OR1J2: variants seen among roughly 807,000 people sequenced by gnomAD.
OR1J2 encodes olfactory receptor family 1 subfamily J member 2.
For synonymous variants in OR1J2, 142 were observed against 99.7 expected (o/e 1.42, Z -2.52); for missense variants, 304 against 246.1 (o/e 1.24, Z -1.57).
At chr9:122,536,064 A>G in the OR1J2 span, among the ~76,000 whole-genome samples, 1 of 152,184 alleles carries the variant, frequency 6.6e-6, no homozygotes, top group Non-Finnish European at 1.5e-5. Flanking sequence ...GAATGTCATC[A>G]GTTAAGGCAG....
chr9:122,457,525 C>T, the OR1J2 span, among the ~76,000 whole-genome samples: 52 of 150,984 alleles, frequency 3.4e-4, no homozygotes, highest in East Asian at 8.3e-3. Context: ...ATAAAAATTA[C>T]GAGGTGTGCA....
At chr9:122,492,996 G>T in the OR1J2 span, among the ~76,000 whole-genome samples, 1 of 151,840 alleles carries the variant, frequency 6.6e-6, no homozygotes, top group African/African-American at 2.4e-5. Context: ...ATTCTAAGTG[G>T]TGTATTACAT....
At chr9:122,495,730 T>C in the OR1J2 span, among the ~76,000 whole-genome samples, 1 of 152,148 alleles carries the variant, frequency 6.6e-6, no homozygotes, top group Non-Finnish European at 1.5e-5. Context: ...GCTGGTGAGC[T>C]GGTATGATCT....
the OR1J2 span, chr9:122,526,358 C>A: frequency 6.7e-7 from 1 of 1,484,150 alleles, no homozygotes; most frequent in East Asian, 2.3e-5. Flanking sequence ...GTCACCACAT[C>A]TAAGAGGAAA....
chr9:122,474,368 G>C, the OR1J2 span, among the ~76,000 whole-genome samples: 233 of 152,314 alleles, frequency 1.5e-3, 1 homozygote, highest in Middle Eastern at 3.4e-3. Context: ...TTGCTCAAAT[G>C]TGGCTAAAAG....
the OR1J2 span, among the ~76,000 whole-genome samples, chr9:122,547,358 T>G: frequency 6.6e-6 from 1 of 152,166 alleles, no homozygotes; most frequent in Admixed American, 6.6e-5. Context: ...TTTGATTGTT[T>G]TATTTTATTT....
the OR1J2 span, among the ~76,000 whole-genome samples, chr9:122,579,777 T>A: frequency 3.9e-5 from 6 of 152,000 alleles, no homozygotes; most frequent in Middle Eastern, 3.4e-3. Flanking sequence ...GTCATTGATG[T>A]TTTAAGCAGA....
At chr9:122,488,238 A>C in the OR1J2 span, among the ~76,000 whole-genome samples, 1 of 152,146 alleles carries the variant, frequency 6.6e-6, no homozygotes, top group African/African-American at 2.4e-5. Context: ...CCTGGGTTCA[A>C]GTGATTCTCA....
At chr9:122,553,609 T>A in the OR1J2 span, 3 of 1,614,148 alleles carry the variant, frequency 1.9e-6, no homozygotes, top group South Asian at 3.3e-5. Context: ...TGCCAACCAC[T>A]CCATTACAGC....
At chr9:122,579,175 G>A in the OR1J2 span, among the ~76,000 whole-genome samples, 2 of 151,886 alleles carry the variant, frequency 1.3e-5, no homozygotes, top group African/African-American at 4.8e-5. Flanking sequence ...ATAATATGTT[G>A]ATATAATTGA....
rs559485689 is a variant in OR1J2 at position 122,510,902 on chromosome 9, T to G, written c.101T>G (p.Met34Arg). The G allele has an allele frequency of 2.5e-6, 4 of 1,612,126 alleles. No individual in the cohort carries two copies. The Admixed American group carries it at 5.0e-5, about 20-fold the overall frequency. Residue 34 changes from methionine (M) to arginine (R), a missense_variant, in exon 1 of 1, where the codon ATG becomes AGG. Physicochemically the swap from Met to Arg is moderately conservative, Grantham distance 91. Coordinates refer to ENST00000335302, the MANE Select transcript of OR1J2 (RefSeq NM_054107.1). ...GTGTTCTTCACCCTGTTCCTGGGCA[T>G]GTACCTGACCACGGTGCTGGGGAAC... ...QAVFFTLFLG[M>R]YLTTVLGNLL...
chr9:122,510,690 T>G, upstream of OR1J2: 1 of 681,262 alleles, frequency 1.5e-6, no homozygotes. Flanking sequence ...GTTGTTCCTC[T>G]CCCTGTGTCT....
chr9:122,544,147 A>T, the OR1J2 span, among the ~76,000 whole-genome samples: 1 of 152,086 alleles, frequency 6.6e-6, no homozygotes, highest in African/African-American at 2.4e-5. Flanking sequence ...TCAATTAAAA[A>T]TAATGAATAA....
chr9:122,526,807 G>A, the OR1J2 span: 21 of 1,613,974 alleles, frequency 1.3e-5, no homozygotes, highest in South Asian at 4.4e-5. Flanking sequence ...AAGGACAACC[G>A]AGCCATGAGG....
downstream of OR1J2, among the ~76,000 whole-genome samples, chr9:122,515,304 T>G (rs1214495630): frequency 6.6e-6 from 1 of 150,898 alleles, no homozygotes; most frequent in African/African-American, 2.5e-5. Flanking sequence ...AGGAATGACT[T>G]GAGCATAAAG....
chr9:122,527,370 A>G, the OR1J2 span: 2 of 817,656 alleles, frequency 2.4e-6, no homozygotes, highest in East Asian at 2.6e-5. Context: ...GCTGACTCCC[A>G]AATCTCCCTT....
At chr9:122,556,118 A>G in the OR1J2 span, among the ~76,000 whole-genome samples, 1 of 152,166 alleles carries the variant, frequency 6.6e-6, no homozygotes, top group South Asian at 2.1e-4. Flanking sequence ...ATGTAGTTGG[A>G]ATCATACAGT....
At chr9:122,478,794 G>C in the OR1J2 span, among the ~76,000 whole-genome samples, 1 of 152,100 alleles carries the variant, frequency 6.6e-6, no homozygotes, top group African/African-American at 2.4e-5. Flanking sequence ...TTGTTTGTTT[G>C]TTTGAGACAG....
chr9:122,479,327 T>A, the OR1J2 span, among the ~76,000 whole-genome samples: 1 of 152,216 alleles, frequency 6.6e-6, no homozygotes, highest in Admixed American at 6.5e-5. Context: ...AGCATTTTAC[T>A]GACTGTGTCA....
Sources: gnomAD v4.1 joint callset for allele counts (sites outside exome capture counted in the v4.1 genomes callset) on GRCh38, gnomAD v4.1.1 for gene constraint, MANE v1.5 for transcripts, NCBI Gene and HGNC (gene_info 2026-07-23, HGNC 2026-07-21) for gene names.